Variants in NCAPD3 observed in about 807,000 individuals in gnomAD.
NCAPD3 encodes the protein condensin-2 complex subunit D3.
A neutral mutation model predicts 182.9 loss-of-function variants in NCAPD3; 105 were observed. The ratio of observed to expected loss-of-function variants is 0.57; its 90% CI spans 0.49 to 0.68. The LOEUF is 0.68. Ranked by LOEUF, NCAPD3 falls within the 30% of genes least tolerant of loss-of-function variation. The pLI, the probability that NCAPD3 is intolerant of heterozygous loss-of-function variation, is 0.00. For missense variants in NCAPD3, 1,944 were observed against 1,837.0 expected (o/e 1.06, Z -1.07); for synonymous variants, 815 against 679.9 (o/e 1.20, Z -3.09).
At chr11:134,157,843 C>G in intron 31 of NCAPD3, 85 bp downstream of exon 31, 1 of 1,376,462 alleles carries the variant, frequency 7.3e-7, no homozygotes, top group Non-Finnish European at 9.8e-7. Flanking sequence ...GAAAACACAC[C>G]GCTTTGAAAG....
chr11:134,220,634 C>T lies in NCAPD3; in HGVS notation c.157G>A (p.Ala53Thr), dbSNP rs1411264771. Residue 53 changes from alanine (A) to threonine (T), a missense_variant, in exon 2 of 35, where the codon GCA becomes ACA. Ala to Thr is a moderately conservative substitution (Grantham distance 58). Coordinates refer to ENST00000534548, the MANE Select transcript of NCAPD3 (RefSeq NM_015261.3). ...EAEIIETGLA[A>T]FTKLYESLLP... ...AGGCTTTCATAGAGTTTTGTGAATG[C>T]AGCCAATCCAGTCTCTATGATCTCT... 2 of 1,613,814 alleles carry T rather than the reference C, an allele frequency of 1.2e-6. No individual in the cohort carries two copies. Among genetic ancestry groups the T allele is most frequent in the East Asian group, 2.2e-5 (1 of 44,878 alleles).
At chr11:134,208,764 T>G in intron 7 of NCAPD3, 100 bp downstream of exon 7, 1 of 756,482 alleles carries the variant, frequency 1.3e-6, no homozygotes, top group Non-Finnish European at 2.2e-6. Context: ...GCTAGTAAAT[T>G]GAAATGGCAT....
chr11:134,223,307 G>A lies in NCAPD3; in HGVS notation c.64+556C>T, dbSNP rs1360777207. 6.2e-6 allele frequency: 4 copies of A among 646,926 alleles called. No homozygotes were observed. In the Admixed American group the frequency reaches 6.7e-5, roughly 11 times the overall value. 40.1% of individuals were successfully genotyped at this position (646,926 alleles called of 1,614,324 possible). ...AAGGCAGCAGCATCAGGAATGGAGCGGGGCTGCCCTGAGACACCTCAGAGG... is the reference window on the plus strand; with the variant it reads ...AAGGCAGCAGCATCAGGAATGGAGCAGGGCTGCCCTGAGACACCTCAGAGG... On this transcript the variant is annotated intron_variant, in intron 1 of 34. Transcript: ENST00000534548.
rs1383147996 is a variant in NCAPD3 at position 134,185,006 on chromosome 11, G to C, written c.2238-6C>G. The C allele has an allele frequency of 1.9e-6, 3 of 1,593,402 alleles. No individual in the cohort carries two copies. Among genetic ancestry groups the C allele is most frequent in the Non-Finnish European group, 1.7e-6 (2 of 1,161,192 alleles). ...TTGAATTGGGATTCTGCTGACTAGA[G>C]AAAGGGCAGGAGGAATATGAAGGGA... On this transcript the variant is annotated splice_polypyrimidine_tract_variant and splice_region_variant and intron_variant, in intron 17 of 34. Coordinates refer to ENST00000534548, the MANE Select transcript of NCAPD3 (RefSeq NM_015261.3).
chr11:134,208,333 C>T (rs991524510), intron 7 of NCAPD3, among the ~76,000 whole-genome samples: 2 of 152,164 alleles, frequency 1.3e-5, no homozygotes, highest in African/African-American at 2.4e-5. Flanking sequence ...GTAGTAGTGG[C>T]GTTCAGGTAA....
rs1938308342 is a variant in NCAPD3, at chr11:134,223,298, GAA to G, written c.64+563_64+564del. ...GCTATGATGAAGGCAGCAGCATCAGGAATGGAGCGGGGCTGCCCTGAGACACC... is the reference window on the plus strand; with the variant it reads ...GCTATGATGAAGGCAGCAGCATCAGGTGGAGCGGGGCTGCCCTGAGACACC... On this transcript the variant is annotated intron_variant, in intron 1 of 34. Coordinates refer to ENST00000534548, the MANE Select transcript of NCAPD3 (RefSeq NM_015261.3). 6.8e-5 allele frequency: 43 copies of G among 629,740 alleles called. No homozygotes were observed. In the East Asian group the frequency reaches 1.1e-3, roughly 17 times the overall value. The allele number at this position is 629,740 out of a possible 1,614,324, so 39.0% of individuals were successfully genotyped here.
At chr11:134,157,778 G>C in intron 31 of NCAPD3, 150 bp downstream of exon 31, 2 of 912,094 alleles carry the variant, frequency 2.2e-6, no homozygotes. Context: ...AATATGCATT[G>C]TTTTACTACC....
intron 4 of NCAPD3, among the ~76,000 whole-genome samples, chr11:134,210,035 G>A (rs970406843): frequency 3.9e-5 from 6 of 151,994 alleles, no homozygotes; most frequent in Admixed American, 1.3e-4. Flanking sequence ...CAACCTGGGC[G>A]ACACAGCAAG....
At chr11:134,159,778 C>T (rs915885421) in intron 29 of NCAPD3, 114 bp downstream of exon 29, 20 of 1,186,056 alleles carry the variant, frequency 1.7e-5, no homozygotes, top group Admixed American at 7.5e-5. Flanking sequence ...TCGAGGCCTT[C>T]GGGCTGACTA....
Position 134,184,632 on chromosome 11 carries a change from C to T in NCAPD3, c.2451+5G>A. 6.3e-7 allele frequency: 1 copy of T among 1,596,342 alleles called. No homozygotes were observed. The highest frequency in any genetic ancestry group is 8.5e-7 in the Non-Finnish European group (1 of 1,170,908). On this transcript the variant is annotated splice_donor_5th_base_variant and intron_variant, in intron 19 of 34. Coordinates refer to ENST00000534548, the MANE Select transcript of NCAPD3 (RefSeq NM_015261.3). Reference sequence around the variant, plus strand: ...AGAAACATGTCAGGGAAAGTCTGGCCATACCTGCTCCTCTGCTGGTGTCTC... The same window carrying T: ...AGAAACATGTCAGGGAAAGTCTGGCTATACCTGCTCCTCTGCTGGTGTCTC...
intron 27 of NCAPD3, among the ~76,000 whole-genome samples, chr11:134,162,593 C>T (rs1943617862): frequency 6.6e-6 from 1 of 152,178 alleles, no homozygotes. Context: ...GTGTATGTTT[C>T]TTCCTTGTAA....
chr11:134,162,512 G>A (rs1210781978), intron 27 of NCAPD3, among the ~76,000 whole-genome samples: 1 of 151,930 alleles, frequency 6.6e-6, no homozygotes, highest in Non-Finnish European at 1.5e-5. Context: ...AAGCACTATA[G>A]TAGCCCACAT....
At chr11:134,188,412 G>A (rs1944456631) in intron 16 of NCAPD3, among the ~76,000 whole-genome samples, 1 of 152,236 alleles carries the variant, frequency 6.6e-6, no homozygotes, top group East Asian at 1.9e-4. Context: ...ACCCGAGCCA[G>A]CAGCAGCAAC....
At chr11:134,221,365 T>C (rs572286146) in intron 1 of NCAPD3, among the ~76,000 whole-genome samples, 220 of 151,082 alleles carry the variant, frequency 1.5e-3, no homozygotes, top group Non-Finnish European at 2.3e-3. Flanking sequence ...TTCTTTTTCT[T>C]TTTTTTTTGG....
At chr11:134,194,551 G>A in intron 14 of NCAPD3, 114 bp downstream of exon 14, 1 of 577,282 alleles carries the variant, frequency 1.7e-6, no homozygotes, top group South Asian at 2.6e-5. Flanking sequence ...TCAACTAACA[G>A]TTAGGCGAAA....
upstream of NCAPD3, chr11:134,224,058 T>C: frequency 8.9e-7 from 1 of 1,129,890 alleles, no homozygotes; most frequent in Non-Finnish European, 1.3e-6. Flanking sequence ...CGCCGAGCCG[T>C]TTCCATTCGC....
intron 32 of NCAPD3, 192 bp from the exon 33 acceptor site, chr11:134,153,555 C>G: frequency 1.6e-6 from 1 of 628,694 alleles, no homozygotes; most frequent in Non-Finnish European, 2.8e-6. Flanking sequence ...TTCCGTCTCT[C>G]TGACCCCCTT....
At position 134,157,938 on chromosome 11, in the gene NCAPD3, C is replaced by T. The variant is rs776795245; in HGVS notation, c.4164G>A (p.Thr1388=). ...AAACATAAGGCTTACCCTGACTGCA[C>T]GTTTTTTCTGGGCTTCCAGAATTTA... ...FTLNSGSPEK[T]CSQVSSYSLE... Residue 1388 remains threonine (T), a synonymous_variant, in exon 31 of 35, where the codon ACG becomes ACA. Transcript: ENST00000534548. The T allele has an allele frequency of 2.9e-5, 47 of 1,613,666 alleles. No individual in the cohort carries two copies. The highest frequency in any genetic ancestry group is 1.1e-4 in the South Asian group (10 of 91,014).
chr11:134,179,218 C>G (rs189776935), intron 20 of NCAPD3, among the ~76,000 whole-genome samples: 1 of 152,116 alleles, frequency 6.6e-6, no homozygotes, highest in Non-Finnish European at 1.5e-5. Flanking sequence ...AATAGGTGTA[C>G]GCTAGGGTTA....
Sources: allele counts gnomAD v4.1 joint callset (sites outside exome capture counted in the v4.1 genomes callset), GRCh38; gene constraint gnomAD v4.1.1; transcripts MANE v1.5; gene names NCBI Gene and HGNC (gene_info 2026-07-23, HGNC 2026-07-21).